Variants in DLG2 observed in about 807,000 individuals in gnomAD.
DLG2 encodes the protein disks large homolog 2.
In DLG2, 45 loss-of-function variants were observed where a neutral mutation model predicts 132.5. The ratio of observed to expected loss-of-function variants is 0.34; its 90% confidence interval spans 0.27 to 0.44. The LOEUF is 0.44. Among genes scored for constraint, DLG2 ranks in the 20% least tolerant of loss-of-function variants. The pLI, the probability that DLG2 is intolerant of heterozygous loss-of-function variation, is 1.00. For synonymous variants in DLG2, 424 were observed against 419.6 expected (o/e 1.01, Z -0.13); for missense variants, 1,045 against 1,196.9 (o/e 0.87, Z 1.87).
chr11:83,930,213 C>CA, intron 15 of DLG2, 115 bp downstream of exon 15: 1 of 1,197,124 alleles, frequency 8.4e-7, no homozygotes, highest in Non-Finnish European at 1.2e-6. Flanking sequence ...AACATCTCTC[C>CA]ACTTTGGGGA....
intron 6 of DLG2, among the ~76,000 whole-genome samples, chr11:85,064,628 T>G (rs1038635817): frequency 1.3e-5 from 2 of 151,744 alleles, no homozygotes; most frequent in Non-Finnish European, 1.5e-5. Flanking sequence ...TTATCTCAAC[T>G]TGGCTAAGCT....
chr11:84,580,769 G>A (rs2099514478), intron 6 of DLG2, among the ~76,000 whole-genome samples: 1 of 152,154 alleles, frequency 6.6e-6, no homozygotes, highest in Non-Finnish European at 1.5e-5. Context: ...CTTACCCTAC[G>A]CAAGATAAAT....
Position 84,730,844 on chromosome 11 carries a change from A to G in DLG2, c.358-196113T>C, listed in dbSNP as rs182152786. The stretch of plus-strand genomic sequence containing the variant: ...ATACAGCAAGTTGAATGATTACTCA[A>G]TGAAACAATTCCTCCCCTAAAACTG... On this transcript the variant is annotated intron_variant, in intron 6 of 27. Coordinates refer to ENST00000376104, the MANE Select transcript of DLG2 (RefSeq NM_001142699.3). 5.5e-4 allele frequency among the ~76,000 whole-genome samples: 84 copies of G among 152,168 alleles called. 1 individual carries two copies. Among genetic ancestry groups the G allele is most frequent in the African/African-American group, 2.0e-3 (82 of 41,556 alleles).
chr11:84,155,007 C>G (rs1041175213), intron 9 of DLG2, among the ~76,000 whole-genome samples: 1 of 152,136 alleles, frequency 6.6e-6, no homozygotes, highest in Non-Finnish European at 1.5e-5. Context: ...ATTTTTGCAA[C>G]CTACTCATCT....
chr11:83,607,636 G>T (rs750865803), intron 19 of DLG2, among the ~76,000 whole-genome samples: 2 of 152,138 alleles, frequency 1.3e-5, no homozygotes, highest in South Asian at 2.1e-4. Context: ...ACAAATGAAT[G>T]CATCTTTTAA....
Position 85,110,755 on chromosome 11 carries a change from C to T in DLG2, c.357+906G>A, listed in dbSNP as rs184509007. Among the ~76,000 whole-genome samples the T allele has an allele frequency of 2.0e-5, 3 of 152,046 alleles. No homozygotes were observed. The South Asian group carries it at 6.2e-4, about 31-fold the overall frequency. On this transcript the variant is annotated intron_variant, in intron 6 of 27. Coordinates refer to ENST00000376104, the MANE Select transcript of DLG2 (RefSeq NM_001142699.3). ...GTAAGACATGTTATGTCAGTCCAGT[C>T]GTATCTTTCAGCACATGGTACCTCA... is the stretch of plus-strand genomic sequence containing the variant.
chr11:85,062,997 T>G (rs1473989027), intron 6 of DLG2, among the ~76,000 whole-genome samples: 2 of 151,762 alleles, frequency 1.3e-5, no homozygotes, highest in Admixed American at 6.6e-5. Flanking sequence ...GTGCATATTG[T>G]CAAAATTCTA....
chr11:85,405,903 AT>A (rs1364843808), intron 3 of DLG2, among the ~76,000 whole-genome samples: 1 of 152,034 alleles, frequency 6.6e-6, no homozygotes, highest in South Asian at 2.1e-4. Flanking sequence ...ATCAGAAGAT[AT>A]GCTTTAAAGT....
chr11:85,621,481 A>G (rs916157140), intron 2 of DLG2, among the ~76,000 whole-genome samples: 1 of 152,364 alleles, frequency 6.6e-6, no homozygotes. Context: ...TCCTGGAAAG[A>G]ACTCATCATT....
chr11:83,932,632 C>T (rs965003844), intron 14 of DLG2, among the ~76,000 whole-genome samples: 26 of 151,920 alleles, frequency 1.7e-4, no homozygotes, highest in Admixed American at 1.7e-3. Flanking sequence ...ACAGAAAGTA[C>T]AACATAGGCT....
intron 6 of DLG2, among the ~76,000 whole-genome samples, chr11:84,994,611 A>C (rs993577419): frequency 6.6e-6 from 1 of 152,138 alleles, no homozygotes; most frequent in Non-Finnish European, 1.5e-5. Context: ...AAAAGTAAAA[A>C]CAAACAGAGC....
intron 6 of DLG2, among the ~76,000 whole-genome samples, chr11:84,849,526 A>G (rs1187837748): frequency 6.6e-6 from 1 of 151,906 alleles, no homozygotes; most frequent in Non-Finnish European, 1.5e-5. Flanking sequence ...AGACCCTAAC[A>G]AGGTGTTGTT....
chr11:84,390,140 CT>C (rs2098787238), intron 7 of DLG2, among the ~76,000 whole-genome samples: 1 of 152,148 alleles, frequency 6.6e-6, no homozygotes, highest in Non-Finnish European at 1.5e-5. Flanking sequence ...TTATGAGCTA[CT>C]TTTCTACAGC....
intron 6 of DLG2, among the ~76,000 whole-genome samples, chr11:84,888,303 T>A (rs2088694395): frequency 6.6e-6 from 1 of 152,022 alleles, no homozygotes; most frequent in African/African-American, 2.4e-5. Context: ...CGATTCAGGG[T>A]CTCAATAAAA....
chr11:84,548,280 T>A (rs1418166804), intron 6 of DLG2, among the ~76,000 whole-genome samples: 3 of 152,140 alleles, frequency 2.0e-5, no homozygotes, highest in Admixed American at 6.5e-5. Flanking sequence ...CTTTTTTTTT[T>A]AATTTTTATT....
intron 4 of DLG2, among the ~76,000 whole-genome samples, chr11:85,171,200 C>CA (rs1279102979): frequency 6.6e-6 from 1 of 152,130 alleles, no homozygotes; most frequent in African/African-American, 2.4e-5. Context: ...TCTGTACCTT[C>CA]AACTGAGGTA....
Position 85,101,433 on chromosome 11 carries a change from A to T in DLG2, c.357+10228T>A, listed in dbSNP as rs188775584. Among the ~76,000 whole-genome samples the T allele has an allele frequency of 5.3e-5, 8 of 152,266 alleles. No individual in the cohort carries two copies. In the East Asian group the frequency reaches 1.2e-3, roughly 22 times the overall value. ...GAGCACTGAAATACTGATTTAGTAC[A>T]CTTCAATGCCATTTTTAGTATTTCT... On this transcript the variant is annotated intron_variant, in intron 6 of 27. Coordinates refer to ENST00000376104, the MANE Select transcript of DLG2 (RefSeq NM_001142699.3).
chr11:84,103,309 T>A (rs1012746180), intron 9 of DLG2, among the ~76,000 whole-genome samples: 6 of 152,088 alleles, frequency 3.9e-5, no homozygotes, highest in African/African-American at 1.4e-4. Context: ...ATCACTTCAA[T>A]CCCCTGACAA....
intron 7 of DLG2, among the ~76,000 whole-genome samples, chr11:84,408,643 C>G (rs1312017612): frequency 6.6e-6 from 1 of 152,104 alleles, no homozygotes; most frequent in Non-Finnish European, 1.5e-5. Flanking sequence ...GTGACTTCTT[C>G]CTACCAAGTT....
Sources: gnomAD v4.1 joint callset for allele counts (sites outside exome capture counted in the v4.1 genomes callset) on GRCh38, gnomAD v4.1.1 for gene constraint, MANE v1.5 for transcripts, NCBI Gene and HGNC (gene_info 2026-07-23, HGNC 2026-07-21) for gene names.